The following CASP4 variants were observed in gnomAD, a reference collection of about 807,000 sequenced individuals.
CASP4 encodes the protein caspase-4.
CASP4 carries 29 observed loss-of-function variants against 41.3 expected under a neutral mutation model. That is an observed-to-expected ratio of 0.70 (90% CI 0.52 to 0.96). CASP4 has a LOEUF of 0.96. Among genes scored for constraint, CASP4 ranks in the 40% least tolerant of loss-of-function variants. The pLI, the probability that CASP4 is intolerant of heterozygous loss-of-function variation, is 0.00. For missense variants in CASP4, 447 were observed against 460.6 expected, an observed-to-expected ratio of 0.97 and a Z score of 0.27; for synonymous variants, 185 against 158.4, an observed-to-expected ratio of 1.17 and a Z score of -1.26.
intron 2 of CASP4, among the ~76,000 whole-genome samples, chr11:104,952,427 T>A (rs932754040): frequency 6.6e-6 from 1 of 152,162 alleles, no homozygotes; most frequent in African/African-American, 2.4e-5. Context: ...ATGTCCAATA[T>A]TTAATTTCTA....
rs1860385266 is a variant in CASP4, at chr11:104,943,892, T to A, written c.*5+856A>T. Reference sequence around the variant, plus strand: ...AGTATTGAGAACAACTTTATACATTTCACTATAAAATATAATTTTAAGTAT... The same window carrying A: ...AGTATTGAGAACAACTTTATACATTACACTATAAAATATAATTTTAAGTAT... On this transcript the variant is annotated intron_variant, in intron 8 of 8. Transcript: ENST00000444739. The A allele has an allele frequency of 2.6e-5, 4 of 152,208 alleles. 1 individual carries two copies. The South Asian group carries it at 8.3e-4, about 31-fold the overall frequency. The allele number at this position is 152,208 out of a possible 1,614,324, so 9.4% of individuals were successfully genotyped here.
intron 5 of CASP4, chr11:104,949,322 T>C (rs1384142087): frequency 1.2e-5 from 7 of 576,742 alleles, no homozygotes; most frequent in African/African-American, 7.5e-5. Flanking sequence ...GATGATCTCC[T>C]TCACCACTTA....
At chr11:104,947,989 C>T (rs1453141753) in intron 6 of CASP4, 1 of 151,978 alleles carries the variant, frequency 6.6e-6, no homozygotes, top group Non-Finnish European at 1.5e-5. Context: ...AATCATACCT[C>T]AATAAAGTGG....
At chr11:104,966,303 T>C (rs545064770) in intron 1 of CASP4, among the ~76,000 whole-genome samples, 2 of 150,086 alleles carry the variant, frequency 1.3e-5, no homozygotes, top group South Asian at 2.1e-4. Context: ...GAAGGCATGT[T>C]CATTCCCCTA....
chr11:104,965,709 C>G (rs1003811533), intron 1 of CASP4, among the ~76,000 whole-genome samples: 3 of 152,312 alleles, frequency 2.0e-5, no homozygotes, highest in East Asian at 1.9e-4. Context: ...GGTCCAGTCT[C>G]CCTTTGCAGG....
At chr11:104,949,381 ATTTCTTGTT>A in intron 5 of CASP4, 153 bp downstream of exon 5, 2 of 730,826 alleles carry the variant, frequency 2.7e-6, no homozygotes, top group Non-Finnish European at 4.5e-6. Context: ...TGATGAGACA[ATTTCTTGTT>A]ATACCAGACC....
intron 1 of CASP4, among the ~76,000 whole-genome samples, chr11:104,958,960 C>CAAAAAAAAAAAAAAAAAAAAAAAA (rs56678254): frequency 1.6e-5 from 1 of 62,466 alleles, no homozygotes. Flanking sequence ...GACTCTGTCT[C>CAAAAAAAAAAAAAAAAAAAAAAAA]AAAAAAAAAA....
intron 5 of CASP4, chr11:104,949,115 T>C: frequency 3.7e-6 from 1 of 271,154 alleles, no homozygotes; most frequent in Non-Finnish European, 7.1e-6. Flanking sequence ...AGTCCCCTGA[T>C]CTCTTTACTA....
In CASP4 at chr11:104,968,507, A is replaced by T; in HGVS notation, c.7+12T>A. On this transcript the variant is annotated intron_variant, in intron 1 of 8. Coordinates refer to ENST00000444739, the MANE Select transcript of CASP4 (RefSeq NM_001225.4). ...TTCCTACTCCCAAACTCCTAGTCAG[A>T]AAAGGACTCACCTGCCATAGGGAAC... The T allele has an allele frequency of 6.2e-7, 1 of 1,611,974 alleles. No individual in the cohort carries two copies. The highest frequency in any genetic ancestry group is 8.5e-7 in the Non-Finnish European group (1 of 1,178,144).
chr11:104,946,471 A>T (rs1031734383), intron 7 of CASP4, among the ~76,000 whole-genome samples: 2 of 152,200 alleles, frequency 1.3e-5, no homozygotes, highest in Non-Finnish European at 2.9e-5. Context: ...GAGTGGGTAG[A>T]TGTACGAGCT....
Position 104,950,924 on chromosome 11 carries a change from C to A in CASP4, c.546+1G>T. 1 of 1,608,902 alleles carries A rather than the reference C, an allele frequency of 6.2e-7. No individual in the cohort carries two copies. The highest frequency in any genetic ancestry group is 8.5e-7 in the Non-Finnish European group (1 of 1,177,486). On this transcript the variant is annotated splice_donor_variant, in intron 4 of 8. Coordinates refer to ENST00000444739, the MANE Select transcript of CASP4 (RefSeq NM_001225.4). LOFTEE classifies it high-confidence loss of function. ...GTTTGTGGCGGCTGAGGGATTCTTA[C>A]CCTGGCTGTCAGATTCTCTTCTACA...
chr11:104,948,602 G>C lies in CASP4; in HGVS notation c.856C>G (p.Leu286Val). ...EVASSQSSEN[L>V]EEDAVYKTHV... The stretch of plus-strand genomic sequence containing the variant: ...GTCTTGTAAACAGCATCTTCCTCTA[G>C]GTTCTCAGATGACTGTGAAGAGGCC... Residue 286 changes from leucine (L) to valine (V), a missense_variant, in exon 6 of 9, where the codon CTA becomes GTA. Coordinates refer to ENST00000444739, the MANE Select transcript of CASP4 (RefSeq NM_001225.4). 1 of 1,611,366 alleles carries C rather than the reference G, an allele frequency of 6.2e-7. No individual in the cohort carries two copies. Among genetic ancestry groups the C allele is most frequent in the Non-Finnish European group, 8.5e-7 (1 of 1,178,390 alleles).
intron 1 of CASP4, among the ~76,000 whole-genome samples, chr11:104,965,582 G>A (rs966392756): frequency 5.3e-5 from 8 of 152,202 alleles, no homozygotes; most frequent in Non-Finnish European, 8.8e-5. Context: ...CCCTTAAGCT[G>A]TTCTTATTCA....
chr11:104,946,006 C>T (rs575326265), intron 7 of CASP4, among the ~76,000 whole-genome samples: 10 of 152,036 alleles, frequency 6.6e-5, no homozygotes, highest in South Asian at 2.1e-4. Context: ...TCAATATGCC[C>T]GGCTAATTTT....
intron 7 of CASP4, among the ~76,000 whole-genome samples, chr11:104,946,008 G>A (rs1184841487): frequency 6.6e-6 from 1 of 151,898 alleles, no homozygotes; most frequent in Non-Finnish European, 1.5e-5. Flanking sequence ...AATATGCCCG[G>A]CTAATTTTTG....
At position 104,954,839 on chromosome 11, in the gene CASP4, A is replaced by G. The variant is rs376802358; in HGVS notation, c.170T>C (p.Met57Thr). The G allele has an allele frequency of 3.7e-6, 6 of 1,613,752 alleles. No individual in the cohort carries two copies. In the African/African-American group the frequency reaches 5.3e-5, roughly 14 times the overall value. Reference protein sequence around the residue: ...DAKTEDKVRVMADSMQEKQRM... With the variant: ...DAKTEDKVRVTADSMQEKQRM... ...TTGCTTCTCTTGCATAGAGTCTGCCATGACCCGAACTTTGTCTTCAGTTTT... is the reference window on the plus strand; with the variant it reads ...TTGCTTCTCTTGCATAGAGTCTGCCGTGACCCGAACTTTGTCTTCAGTTTT... Residue 57 changes from methionine (M) to threonine (T), a missense_variant, in exon 2 of 9, where the codon ATG becomes ACG. Transcript: ENST00000444739.
intron 4 of CASP4, 151 bp from the exon 5 acceptor site, chr11:104,949,928 G>T: frequency 1.4e-6 from 1 of 715,114 alleles, no homozygotes; most frequent in South Asian, 1.9e-5. Context: ...CTGTTTAATG[G>T]TTTTATTTTT....
chr11:104,966,134 C>T (rs1349407684), intron 1 of CASP4, among the ~76,000 whole-genome samples: 2 of 152,234 alleles, frequency 1.3e-5, no homozygotes, highest in South Asian at 2.1e-4. Context: ...GCGTGAATTA[C>T]TCTTACGCCA....
In CASP4 at chr11:104,950,960, A is replaced by C; in HGVS notation, c.511T>G (p.Tyr171Asp). 1 of 1,613,262 alleles carries C rather than the reference A, an allele frequency of 6.2e-7. No individual in the cohort carries two copies. Among genetic ancestry groups the C allele is most frequent in the East Asian group, 2.2e-5 (1 of 44,862 alleles). The change falls in exon 4 of 9, where the codon TAT (tyrosine) becomes GAT (aspartate). Residue 171 changes from tyrosine (Y) to aspartate (D), a missense_variant. Tyr to Asp is a radical substitution (Grantham distance 160). Transcript: ENST00000444739. Reference protein sequence around the residue: ...GMKELLEGLDYSVDVEENLTA... With the variant: ...GMKELLEGLDDSVDVEENLTA... ...AGATTCTCTTCTACATCTACACTATAGTCCAGACCCTCAAGTAGCTCCTTC... is the reference window on the plus strand; with the variant it reads ...AGATTCTCTTCTACATCTACACTATCGTCCAGACCCTCAAGTAGCTCCTTC...
Sources: allele counts gnomAD v4.1 joint callset (sites outside exome capture counted in the v4.1 genomes callset), GRCh38; gene constraint gnomAD v4.1.1; transcripts MANE v1.5; gene names NCBI Gene and HGNC (gene_info 2026-07-23, HGNC 2026-07-21).